Variants in SATB2 observed in about 807,000 individuals in gnomAD.
SATB2 encodes SATB homeobox 2, also known as DNA-binding protein SATB2.
Under a neutral mutation model 73.4 loss-of-function variants are expected in SATB2, and 1 was observed. That is an observed-to-expected ratio of 0.01 (90% confidence interval 0.00 to 0.06). The LOEUF is 0.06. Ranked by LOEUF, SATB2 falls within the 10% of genes least tolerant of loss-of-function variation. SATB2 has a pLI of 1.00. For synonymous variants in SATB2, 397 were observed against 367.0 expected, an observed-to-expected ratio of 1.08 and a Z score of -0.93; for missense variants, 459 against 945.8, an observed-to-expected ratio of 0.49 and a Z score of 6.75.
chr2:199,430,630 C>A lies in SATB2; in HGVS notation c.346+2708G>T, dbSNP rs559111721. 3.9e-5 allele frequency among the ~76,000 whole-genome samples: 6 copies of A among 152,244 alleles called. No individual in the cohort carries two copies. In the South Asian group the frequency reaches 1.0e-3, roughly 26 times the overall value. On this transcript the variant is annotated intron_variant, in intron 3 of 10. Transcript: ENST00000417098. ...GTTATTTTAACACAGGGAAAGAAAT[C>A]CCTAAACTCCATTTTAGTAGAATTT...
At chr2:199,321,217 G>A (rs1687874911) in intron 9 of SATB2, among the ~76,000 whole-genome samples, 1 of 151,902 alleles carries the variant, frequency 6.6e-6, no homozygotes, top group Admixed American at 6.6e-5. Flanking sequence ...GACTAAGAGA[G>A]ATATATAAGT....
At chr2:199,430,713 G>A (rs912723306) in intron 3 of SATB2, among the ~76,000 whole-genome samples, 17 of 152,242 alleles carry the variant, frequency 1.1e-4, no homozygotes, top group South Asian at 6.2e-4. Flanking sequence ...CACCTGGAGG[G>A]AATACCCTCT....
In SATB2 at chr2:199,373,749, T is replaced by A. The variant is rs111650109; in HGVS notation, c.598-5042A>T. 5.1e-3 allele frequency among the ~76,000 whole-genome samples: 773 copies of A among 152,338 alleles called. 4 individuals are homozygous for A. Among genetic ancestry groups the A allele is most frequent in the African/African-American group, 0.018 (729 of 41,576 alleles). On this transcript the variant is annotated intron_variant, in intron 5 of 10. Transcript: ENST00000417098. ...ACTGCAATCCCTTGGTTAGGAATAT[T>A]TTCAAGCTGTCATTTGTGAGCCTTC...
At chr2:199,454,179 G>GA (rs1378809735) in intron 2 of SATB2, among the ~76,000 whole-genome samples, 1 of 152,032 alleles carries the variant, frequency 6.6e-6, no homozygotes, top group Non-Finnish European at 1.5e-5. Context: ...TAGAGGAGGG[G>GA]AAAAAACTTG....
chr2:199,278,895 G>T (rs1462383874), intron 10 of SATB2, among the ~76,000 whole-genome samples: 2 of 152,086 alleles, frequency 1.3e-5, no homozygotes, highest in African/African-American at 4.8e-5. Flanking sequence ...TGGGTTAAAA[G>T]AATTTTTTAA....
intron 3 of SATB2, among the ~76,000 whole-genome samples, chr2:199,418,324 A>C (rs1005379854): frequency 6.6e-6 from 1 of 152,168 alleles, no homozygotes; most frequent in Non-Finnish European, 1.5e-5. Context: ...CCTCAGTCAG[A>C]ACCAGATTGT....
intron 3 of SATB2, among the ~76,000 whole-genome samples, chr2:199,421,752 C>T (rs1691177150): frequency 6.6e-6 from 1 of 152,142 alleles, no homozygotes; most frequent in Non-Finnish European, 1.5e-5. Context: ...TCTTTATAGC[C>T]TTCTTCCACA....
intron 3 of SATB2, among the ~76,000 whole-genome samples, chr2:199,391,656 C>A (rs911263210): frequency 6.6e-6 from 1 of 151,928 alleles, no homozygotes; most frequent in African/African-American, 2.4e-5. Flanking sequence ...AAATATTCCG[C>A]TACCATTTTA....
intron 10 of SATB2, among the ~76,000 whole-genome samples, chr2:199,306,488 A>C (rs1488509135): frequency 6.6e-6 from 1 of 152,240 alleles, no homozygotes; most frequent in Non-Finnish European, 1.5e-5. Context: ...GATGGAAATA[A>C]ACTTTTATAA....
rs548541679 is a variant in SATB2 at position 199,316,581 on chromosome 2, T to C, written c.1542+7222A>G. ...GGTTATCTTATGCATGTCACTGACA[T>C]TTCTATGGATATGTCTGTAAAGATT... is the stretch of plus-strand genomic sequence containing the variant. On this transcript the variant is annotated intron_variant, in intron 9 of 10. Transcript: ENST00000417098. Among the ~76,000 whole-genome samples, 15 of 152,222 alleles carry C rather than the reference T, an allele frequency of 9.9e-5. No homozygotes were observed. In the South Asian group the frequency reaches 3.1e-3, roughly 32 times the overall value.
chr2:199,298,107 A>G (rs1687169020), intron 10 of SATB2, among the ~76,000 whole-genome samples: 1 of 152,174 alleles, frequency 6.6e-6, no homozygotes. Context: ...TGCTCTTTTC[A>G]GTAAGAATTA....
At chr2:199,291,237 A>G (rs971236583) in intron 10 of SATB2, among the ~76,000 whole-genome samples, 2 of 152,206 alleles carry the variant, frequency 1.3e-5, no homozygotes, top group Non-Finnish European at 2.9e-5. Context: ...TTTAACCTCT[A>G]TAGTTCCAAC....
chr2:199,426,285 T>TTATA (rs1691325467), intron 3 of SATB2, among the ~76,000 whole-genome samples: 1 of 152,084 alleles, frequency 6.6e-6, no homozygotes, highest in African/African-American at 2.4e-5. Flanking sequence ...CTTTCTTCTT[T>TTATA]TTTATTTATT....
At chr2:199,283,441 A>G (rs1042630375) in intron 10 of SATB2, among the ~76,000 whole-genome samples, 4 of 151,450 alleles carry the variant, frequency 2.6e-5, no homozygotes, top group African/African-American at 4.8e-5. Context: ...CATGGCTGTG[A>G]AAAATACAAC....
chr2:199,296,920 A>T (rs553911538), intron 10 of SATB2, among the ~76,000 whole-genome samples: 18 of 152,306 alleles, frequency 1.2e-4, no homozygotes, highest in Admixed American at 9.8e-4. Flanking sequence ...CCTCTGAAAC[A>T]ACACCCAGAA....
intron 3 of SATB2, among the ~76,000 whole-genome samples, chr2:199,419,534 T>C (rs1017861538): frequency 4.6e-5 from 7 of 152,188 alleles, no homozygotes; most frequent in Non-Finnish European, 5.9e-5. Context: ...CAGCATGTTT[T>C]TTAAAAATTT....
At chr2:199,454,829 CACTT>C (rs746331911) in intron 2 of SATB2, among the ~76,000 whole-genome samples, 19 of 152,258 alleles carry the variant, frequency 1.2e-4, no homozygotes, top group East Asian at 7.7e-4. Flanking sequence ...ACACAATAGA[CACTT>C]ACAACAAGGG....
At position 199,365,787 on chromosome 2, in the gene SATB2, C is replaced by CT. The variant is rs201965389; in HGVS notation, c.700+2817dup. Among the ~76,000 whole-genome samples the CT allele has an allele frequency of 8.6e-5, 13 of 151,730 alleles. No individual in the cohort carries two copies. In the East Asian group the frequency reaches 1.6e-3, roughly 18 times the overall value. On this transcript the variant is annotated intron_variant, in intron 6 of 10. Transcript: ENST00000417098. ...TTGACTATAGAATTTGCAATCTGATCTTTTTTTTGTCCTTCCAGTAGACTT... is the reference window on the plus strand; with the variant it reads ...TTGACTATAGAATTTGCAATCTGATCTTTTTTTTTGTCCTTCCAGTAGACTT...
At chr2:199,360,998 C>T (rs1689120455) in intron 6 of SATB2, among the ~76,000 whole-genome samples, 1 of 152,122 alleles carries the variant, frequency 6.6e-6, no homozygotes, top group Admixed American at 6.6e-5. Context: ...TCTCTAGCTG[C>T]ATCTTCTTAA....
Sources: gnomAD v4.1 joint callset for allele counts (sites outside exome capture counted in the v4.1 genomes callset) on GRCh38, gnomAD v4.1.1 for gene constraint, MANE v1.5 for transcripts, NCBI Gene and HGNC (gene_info 2026-07-23, HGNC 2026-07-21) for gene names.